Variants in CDC37L1 observed in about 807,000 individuals in gnomAD.
The protein encoded by CDC37L1 is cell division cycle 37 like 1, HSP90 cochaperone.
Under a neutral mutation model 45.9 loss-of-function variants are expected in CDC37L1, and 32 were observed. The ratio of observed to expected loss-of-function variants is 0.70; its 90% CI spans 0.53 to 0.94. The LOEUF is 0.94. CDC37L1 is among the 40% of genes least tolerant of loss of function. The probability of loss-of-function intolerance (pLI) is 0.00; values close to 1 mark genes in which losing one functional copy is unlikely to be tolerated. For missense variants in CDC37L1, 434 were observed against 405.7 expected (o/e 1.07, Z -0.60); for synonymous variants, 150 against 133.0 (o/e 1.13, Z -0.88).
intron 3 of CDC37L1, among the ~76,000 whole-genome samples, chr9:4,695,608 C>A (rs371786144): frequency 6.6e-6 from 1 of 152,104 alleles, no homozygotes; most frequent in Admixed American, 6.6e-5. Flanking sequence ...GATCCTGCCC[C>A]CTCAGACTCC....
At chr9:4,697,962 A>G in intron 5 of CDC37L1, 83 bp downstream of exon 5, 1 of 1,303,346 alleles carries the variant, frequency 7.7e-7, no homozygotes, top group South Asian at 1.4e-5. Flanking sequence ...AATAGAAGGC[A>G]TCCAAGCAGG....
rs944874162 is a variant in CDC37L1, at chr9:4,706,308, G to A, written c.*196G>A. 1 of 374,712 alleles carries A rather than the reference G, an allele frequency of 2.7e-6. No individual in the cohort carries two copies. Among genetic ancestry groups the A allele is most frequent in the Non-Finnish European group, 4.9e-6 (1 of 203,646 alleles). 23.2% of individuals were successfully genotyped at this position (374,712 alleles called of 1,614,324 possible). On this transcript the variant is annotated 3_prime_UTR_variant, in exon 7 of 7. Transcript: ENST00000381854. ...TTGTTTTGTTTTGTTCTGAAGAGAA[G>A]AGTGGTACCATATGTTGCAGGAAGT...
At chr9:4,692,780 A>C (rs1019754401) in intron 3 of CDC37L1, among the ~76,000 whole-genome samples, 15 of 152,342 alleles carry the variant, frequency 9.8e-5, no homozygotes, top group African/African-American at 3.6e-4. Context: ...AACATTAGAA[A>C]ACTCATTAAT....
At chr9:4,703,303 A>G (rs1461927609) in intron 6 of CDC37L1, 12 of 372,522 alleles carry the variant, frequency 3.2e-5, no homozygotes, top group Non-Finnish European at 5.1e-5. Flanking sequence ...GATTGATCAT[A>G]TTTACCCCAG....
At position 4,701,932 on chromosome 9, in the gene CDC37L1, T is replaced by G. The variant is rs1423696937; in HGVS notation, c.816T>G (p.Leu272=). 1.3e-6 allele frequency: 2 copies of G among 1,598,842 alleles called. No individual in the cohort carries two copies. The highest frequency in any genetic ancestry group is 1.1e-5 in the South Asian group (1 of 88,520). The change falls in exon 6 of 7, where the codon CTT becomes CTG. Residue 272 remains leucine, a synonymous_variant. Transcript: ENST00000381854. ...ELEAFKSRVR[L]YSQSQSFQPM... Reference sequence around the variant, plus strand: ...AAGCTTTCAAGTCAAGAGTAAGACTTTATTCTCAATCACAAAGTTTTCAAC... The same window carrying G: ...AAGCTTTCAAGTCAAGAGTAAGACTGTATTCTCAATCACAAAGTTTTCAAC...
At chr9:4,697,361 C>G in intron 4 of CDC37L1, 150 bp downstream of exon 4, 1 of 605,534 alleles carries the variant, frequency 1.7e-6, no homozygotes, top group Non-Finnish European at 2.9e-6. Context: ...GCTTCCAGAT[C>G]TACTTGAGTT....
intron 3 of CDC37L1, among the ~76,000 whole-genome samples, chr9:4,691,561 T>A (rs1350187013): frequency 6.6e-6 from 1 of 152,158 alleles, no homozygotes; most frequent in Non-Finnish European, 1.5e-5. Context: ...TCTGGACTCT[T>A]GGTTGACACG....
Position 4,707,940 on chromosome 9 carries a change from A to G in CDC37L1, c.*1828A>G, listed in dbSNP as rs1841460653. ...TAAGTTAGAGGTATTTAATGACTGAAGACTGGCAGGAGAGAAAGTATCAAC... is the reference window on the plus strand; with the variant it reads ...TAAGTTAGAGGTATTTAATGACTGAGGACTGGCAGGAGAGAAAGTATCAAC... On this transcript the variant is annotated 3_prime_UTR_variant, in exon 7 of 7. Coordinates refer to ENST00000381854, the MANE Select transcript of CDC37L1 (RefSeq NM_017913.4). 6.6e-6 allele frequency: 1 copy of G among 152,232 alleles called. No individual in the cohort carries two copies. The highest frequency in any genetic ancestry group is 6.5e-5 in the Admixed American group (1 of 15,290). The allele number at this position is 152,232 out of a possible 1,614,324, so 9.4% of individuals were successfully genotyped here.
chr9:4,706,384 C>G lies in CDC37L1; in HGVS notation c.*272C>G, dbSNP rs545358882. 108 of 233,866 alleles carry G rather than the reference C, an allele frequency of 4.6e-4. No homozygotes were observed. Among genetic ancestry groups the G allele is most frequent in the South Asian group, 1.1e-3 (11 of 9,878 alleles). The allele number at this position is 233,866 out of a possible 1,614,324, so 14.5% of individuals were successfully genotyped here. ...AATTTGCTTTTAATCTTATTGTTCT[C>G]AATTTTGGAATCAAGTATGAAAATC... On this transcript the variant is annotated 3_prime_UTR_variant, in exon 7 of 7. Transcript: ENST00000381854.
chr9:4,686,479 A>G (rs1841248502), intron 2 of CDC37L1, among the ~76,000 whole-genome samples: 6 of 152,032 alleles, frequency 3.9e-5, no homozygotes, highest in South Asian at 4.2e-4. Flanking sequence ...TTCTGCATTT[A>G]TATCCCAAAA....
intron 1 of CDC37L1, among the ~76,000 whole-genome samples, chr9:4,682,655 T>C (rs1400380774): frequency 4.0e-5 from 6 of 151,752 alleles, no homozygotes; most frequent in African/African-American, 1.5e-4. Flanking sequence ...ATATTTTTAG[T>C]AGAAACGGGG....
Position 4,679,776 on chromosome 9 carries a change from A to T in CDC37L1, c.9A>T (p.Gln3His). The part of the protein sequence containing the change: ME[Q>H]PWPPPGPWSL... ...ACCCGGAGCAGCCGGACATGGAACA[A>T]CCGTGGCCGCCTCCGGGACCCTGGA... The change falls in exon 1 of 7, where the codon CAA (glutamine) becomes CAT (histidine). Residue 3 changes from glutamine to histidine, a missense_variant. Gln to His is a conservative substitution (Grantham distance 24, BLOSUM62 0). Coordinates refer to ENST00000381854, the MANE Select transcript of CDC37L1 (RefSeq NM_017913.4). 6.2e-7 allele frequency: 1 copy of T among 1,612,684 alleles called. No individual in the cohort carries two copies. Among genetic ancestry groups the T allele is most frequent in the Non-Finnish European group, 8.5e-7 (1 of 1,179,376 alleles).
chr9:4,696,075 CG>C (rs1362984372), intron 3 of CDC37L1, among the ~76,000 whole-genome samples: 1 of 152,148 alleles, frequency 6.6e-6, no homozygotes, highest in Non-Finnish European at 1.5e-5. Context: ...CATGAGCCAC[CG>C]TGGCTGGCCC....
intron 1 of CDC37L1, among the ~76,000 whole-genome samples, chr9:4,683,259 G>C (rs374760968): frequency 2.6e-5 from 4 of 151,450 alleles, no homozygotes; most frequent in African/African-American, 9.7e-5. Context: ...CAGTACAAAC[G>C]TGAGTTTGCC....
chr9:4,694,232 G>A (rs924650365), intron 3 of CDC37L1, among the ~76,000 whole-genome samples: 2 of 152,040 alleles, frequency 1.3e-5, no homozygotes, highest in Admixed American at 6.6e-5. Context: ...AGTGTACTCC[G>A]CCATGCCTGG....
chr9:4,690,512 G>A (rs1436772934), intron 3 of CDC37L1, among the ~76,000 whole-genome samples: 2 of 152,116 alleles, frequency 1.3e-5, no homozygotes, highest in Admixed American at 6.6e-5. Context: ...CTACACTGTC[G>A]AATCTATGCA....
Position 4,679,613 on chromosome 9 carries a change from T to C in CDC37L1, c.-155T>C. On this transcript the variant is annotated 5_prime_UTR_variant, in exon 1 of 7. Transcript: ENST00000381854. The stretch of plus-strand genomic sequence containing the variant: ...GCGAGGCCCAGGCTGTCGCCGGGTG[T>C]GCAGCGGCGTCGCGGCCAGTAGAGG... The C allele has an allele frequency of 1.6e-6, 1 of 637,458 alleles. No individual in the cohort carries two copies. The highest frequency in any genetic ancestry group is 1.9e-5 in the African/African-American group (1 of 53,112). 39.5% of individuals were successfully genotyped at this position (637,458 alleles called of 1,614,324 possible).
intron 5 of CDC37L1, among the ~76,000 whole-genome samples, 162 bp from the exon 6 acceptor site, chr9:4,701,702 T>C (rs1841398131): frequency 6.6e-6 from 1 of 152,180 alleles, no homozygotes; most frequent in Admixed American, 6.5e-5. Flanking sequence ...ATAAATCAGG[T>C]AGTTTTCACA....
At chr9:4,696,521 C>A (rs1182477494) in intron 3 of CDC37L1, among the ~76,000 whole-genome samples, 1 of 151,906 alleles carries the variant, frequency 6.6e-6, no homozygotes, top group East Asian at 1.9e-4. Flanking sequence ...AGAAAAAAAT[C>A]TATTCAGTTA....
Sources: allele counts gnomAD v4.1 joint callset (sites outside exome capture counted in the v4.1 genomes callset), GRCh38; gene constraint gnomAD v4.1.1; transcripts MANE v1.5; gene names NCBI Gene and HGNC (gene_info 2026-07-23, HGNC 2026-07-21).